GRIK2: variants seen among roughly 807,000 people sequenced by gnomAD.
GRIK2 encodes the protein glutamate ionotropic receptor kainate type subunit 2, also known as glutamate receptor ionotropic, kainate 2.
In GRIK2, 32 loss-of-function variants were observed where a neutral mutation model predicts 100.3. That is an observed-to-expected ratio of 0.32 (90% CI 0.24 to 0.43). The LOEUF (loss-of-function observed/expected upper bound fraction) is 0.43, where lower values mean the gene tolerates loss of function less well. Among genes scored for constraint, GRIK2 ranks in the 20% least tolerant of loss-of-function variants. GRIK2 has a pLI of 1.00. For synonymous variants in GRIK2, 417 were observed against 389.4 expected, an observed-to-expected ratio of 1.07 and a Z score of -0.83; for missense variants, 843 against 1,114.9, an observed-to-expected ratio of 0.76 and a Z score of 3.47.
chr6:102,062,182 A>C (rs1771786362), intron 16 of GRIK2, among the ~76,000 whole-genome samples: 1 of 150,516 alleles, frequency 6.6e-6, no homozygotes, highest in Non-Finnish European at 1.5e-5. Flanking sequence ...AATATTTGAT[A>C]ATGTTTATCA....
intron 2 of GRIK2, among the ~76,000 whole-genome samples, chr6:101,601,273 A>G (rs917442577): frequency 4.6e-5 from 7 of 151,886 alleles, no homozygotes; most frequent in Admixed American, 4.0e-4. Context: ...CTTGTATCTC[A>G]GGAATGAACC....
intron 5 of GRIK2, 52 bp from the exon 6 acceptor site, chr6:101,682,501 C>A: frequency 1.3e-6 from 1 of 794,712 alleles, no homozygotes; most frequent in Non-Finnish European, 2.2e-6. Context: ...GAATTACTGA[C>A]ATACTGTCTT....
At chr6:101,436,390 T>C (rs1318559271) in intron 2 of GRIK2, among the ~76,000 whole-genome samples, 1 of 152,022 alleles carries the variant, frequency 6.6e-6, no homozygotes, top group Non-Finnish European at 1.5e-5. Context: ...TACTGAACTC[T>C]TAGTGACATT....
chr6:101,673,634 T>C (rs1249499403), intron 4 of GRIK2, among the ~76,000 whole-genome samples: 1 of 152,192 alleles, frequency 6.6e-6, no homozygotes, highest in Non-Finnish European at 1.5e-5. Context: ...TCTTTCTCTT[T>C]TTATTCATGT....
intron 10 of GRIK2, among the ~76,000 whole-genome samples, chr6:101,834,130 T>G (rs1325864197): frequency 1.3e-5 from 2 of 152,210 alleles, no homozygotes; most frequent in Non-Finnish European, 2.9e-5. Context: ...GTATTCAAAT[T>G]TATTAACATA....
chr6:101,663,586 T>C (rs1232227626), intron 4 of GRIK2, among the ~76,000 whole-genome samples: 1 of 152,236 alleles, frequency 6.6e-6, no homozygotes, highest in Non-Finnish European at 1.5e-5. Context: ...GTTTAATTAT[T>C]AAGCAACTAC....
intron 2 of GRIK2, among the ~76,000 whole-genome samples, chr6:101,491,825 A>G (rs542288046): frequency 5.9e-5 from 9 of 152,066 alleles, no homozygotes; most frequent in Non-Finnish European, 1.0e-4. Context: ...ATGCTAAATC[A>G]TATAGTCATT....
intron 4 of GRIK2, among the ~76,000 whole-genome samples, chr6:101,668,348 C>T (rs1770184595): frequency 6.6e-6 from 1 of 152,122 alleles, no homozygotes; most frequent in Non-Finnish European, 1.5e-5. Context: ...TGTTTCAGTG[C>T]CAATCTACTA....
At chr6:101,484,250 G>A (rs2518171) in intron 2 of GRIK2, among the ~76,000 whole-genome samples, 40,364 of 151,918 alleles carry the variant, frequency 0.27, 5,981 homozygotes, top group East Asian at 0.36. Context: ...CATATGTTAT[G>A]CTCCTTAATA....
rs1287165355 is a variant in GRIK2, at chr6:101,633,850, GTGAGT to G, written c.541+7217_541+7221del. ...TTTAATATGAGAAAACTTAGATGCA[GTGAGT>G]TGAAGTAATTTGCCCAAGGTTACAT... On this transcript the variant is annotated intron_variant, in intron 4 of 16. Transcript: ENST00000369134. Among the ~76,000 whole-genome samples the G allele has an allele frequency of 2.0e-5, 3 of 152,136 alleles. No individual in the cohort carries two copies. In the East Asian group the frequency reaches 5.8e-4, roughly 29 times the overall value.
intron 2 of GRIK2, among the ~76,000 whole-genome samples, chr6:101,561,560 A>T (rs9498619): frequency 0.5 from 75,489 of 151,940 alleles, 19,271 homozygotes; most frequent in African/African-American, 0.62. Context: ...CCCAATTACT[A>T]TGATTTGGTC....
At chr6:101,926,021 G>A (rs1038138833) in intron 13 of GRIK2, among the ~76,000 whole-genome samples, 1 of 150,818 alleles carries the variant, frequency 6.6e-6, no homozygotes, top group Non-Finnish European at 1.5e-5. Context: ...TAATATATAT[G>A]TAAACTATAT....
chr6:102,040,564 C>CTCTT (rs1770510918), intron 15 of GRIK2, among the ~76,000 whole-genome samples: 1 of 151,478 alleles, frequency 6.6e-6, no homozygotes, highest in Admixed American at 6.6e-5. Flanking sequence ...TTAAGATTCA[C>CTCTT]TCTTTATTTT....
chr6:102,050,180 C>A (rs1310822030), intron 15 of GRIK2, among the ~76,000 whole-genome samples: 4 of 151,244 alleles, frequency 2.6e-5, no homozygotes, highest in Non-Finnish European at 5.9e-5. Context: ...TAGACTTAAA[C>A]TTTAAAATTA....
intron 2 of GRIK2, among the ~76,000 whole-genome samples, chr6:101,463,495 A>G (rs1483268048): frequency 2.0e-5 from 3 of 152,180 alleles, no homozygotes; most frequent in African/African-American, 7.2e-5. Context: ...TCCAATGTGT[A>G]TTTTATTAAC....
At chr6:101,633,812 G>A (rs1469858864) in intron 4 of GRIK2, among the ~76,000 whole-genome samples, 2 of 152,076 alleles carry the variant, frequency 1.3e-5, no homozygotes, top group East Asian at 1.9e-4. Context: ...CACGTAGCTT[G>A]TAATCCCACT....
At chr6:101,796,956 C>G (rs1562395244) in intron 7 of GRIK2, among the ~76,000 whole-genome samples, 1 of 152,078 alleles carries the variant, frequency 6.6e-6, no homozygotes, top group Non-Finnish European at 1.5e-5. Flanking sequence ...GAAACTGAAA[C>G]TATATACCAG....
intron 7 of GRIK2, among the ~76,000 whole-genome samples, chr6:101,787,342 T>C (rs1562384982): frequency 6.6e-6 from 1 of 151,968 alleles, no homozygotes; most frequent in Non-Finnish European, 1.5e-5. Context: ...TTTCTTCTAC[T>C]AATACTAGGT....
chr6:101,782,786 A>C (rs1779177265), intron 7 of GRIK2, among the ~76,000 whole-genome samples: 1 of 147,868 alleles, frequency 6.8e-6, no homozygotes, highest in South Asian at 2.1e-4. Context: ...GCACCATGCT[A>C]TTTTCCATAA....
Sources: gnomAD v4.1 joint callset for allele counts (sites outside exome capture counted in the v4.1 genomes callset) on GRCh38, gnomAD v4.1.1 for gene constraint, MANE v1.5 for transcripts, NCBI Gene and HGNC (gene_info 2026-07-23, HGNC 2026-07-21) for gene names.